TENM2: variants seen among roughly 807,000 people sequenced by gnomAD.
TENM2 encodes the protein teneurin transmembrane protein 2, also known as teneurin-2.
Under a neutral mutation model 245.2 loss-of-function variants are expected in TENM2, and 52 were observed. That is an observed-to-expected ratio of 0.21 (90% confidence interval 0.17 to 0.27). TENM2 has a LOEUF of 0.27. Among genes scored for constraint, TENM2 ranks in the 10% least tolerant of loss-of-function variants. The pLI, the probability that TENM2 is intolerant of heterozygous loss-of-function variation, is 1.00. For missense variants in TENM2, 3,046 were observed against 3,666.8 expected, an observed-to-expected ratio of 0.83 and a Z score of 4.37; for synonymous variants, 1,363 against 1,438.9, an observed-to-expected ratio of 0.95 and a Z score of 1.19.
intron 3 of TENM2, among the ~76,000 whole-genome samples, chr5:167,887,502 T>C (rs1166358448): frequency 1.3e-5 from 2 of 152,212 alleles, no homozygotes; most frequent in Non-Finnish European, 2.9e-5. Context: ...ATTGTGGATG[T>C]GATCACATTT....
At chr5:167,434,118 A>G (rs185903985) in intron 2 of TENM2, among the ~76,000 whole-genome samples, 1 of 152,270 alleles carries the variant, frequency 6.6e-6, no homozygotes, top group Admixed American at 6.5e-5. Context: ...TTGGAATCAT[A>G]TTAATTCATT....
At chr5:167,732,943 G>A (rs952503553) in intron 2 of TENM2, among the ~76,000 whole-genome samples, 44 of 152,190 alleles carry the variant, frequency 2.9e-4, no homozygotes, top group African/African-American at 9.4e-4. Flanking sequence ...AAGTAGTGAC[G>A]TGGATGGTGC....
intron 2 of TENM2, among the ~76,000 whole-genome samples, chr5:167,553,797 T>A (rs1773101889): frequency 6.6e-6 from 1 of 152,028 alleles, no homozygotes; most frequent in Non-Finnish European, 1.5e-5. Context: ...GGGTTGACAT[T>A]GATGGATGGA....
At chr5:168,016,240 A>G (rs1785641568) in intron 5 of TENM2, among the ~76,000 whole-genome samples, 1 of 152,216 alleles carries the variant, frequency 6.6e-6, no homozygotes, top group South Asian at 2.1e-4. Flanking sequence ...AGCTTGTCCA[A>G]GGTTGTACAG....
At chr5:167,579,266 T>A (rs1298077497) in intron 2 of TENM2, among the ~76,000 whole-genome samples, 1 of 152,170 alleles carries the variant, frequency 6.6e-6, no homozygotes, top group Non-Finnish European at 1.5e-5. Context: ...TGTAGCTGGA[T>A]TTTCTTTTCT....
At chr5:166,984,253 C>T in the TENM2 span, among the ~76,000 whole-genome samples, 1 of 151,884 alleles carries the variant, frequency 6.6e-6, no homozygotes, top group Non-Finnish European at 1.5e-5. Flanking sequence ...TTTAATTTAC[C>T]TAGTAGGAGA....
chr5:167,540,948 T>C (rs1238868823), intron 2 of TENM2, among the ~76,000 whole-genome samples: 2 of 152,200 alleles, frequency 1.3e-5, no homozygotes, highest in African/African-American at 4.8e-5. Context: ...AAAGTTAGGT[T>C]TCTTTATGAA....
At chr5:167,407,197 T>C (rs1283473144) in intron 2 of TENM2, among the ~76,000 whole-genome samples, 1 of 152,168 alleles carries the variant, frequency 6.6e-6, no homozygotes. Flanking sequence ...CTGTGGTTTG[T>C]AGAGCTATAG....
At chr5:167,675,659 TGC>T (rs1756267825) in intron 2 of TENM2, among the ~76,000 whole-genome samples, 1 of 151,900 alleles carries the variant, frequency 6.6e-6, no homozygotes, top group Non-Finnish European at 1.5e-5. Flanking sequence ...ATCCCAGCTC[TGC>T]TACTTAAAAT....
exon 11 of TENM2, chr5:168,124,920 C>G (rs774519052): frequency 5.0e-6 from 8 of 1,612,846 alleles, no homozygotes; most frequent in Middle Eastern, 1.6e-4. Context: ...GCAGCCCTGG[C>G]TGGGGTGGTC....
intron 2 of TENM2, among the ~76,000 whole-genome samples, chr5:167,554,482 C>T (rs1773139762): frequency 6.6e-6 from 1 of 152,152 alleles, no homozygotes; most frequent in Non-Finnish European, 1.5e-5. Flanking sequence ...GGGTTATAGT[C>T]CTGCTTTGAG....
intron 19 of TENM2, among the ~76,000 whole-genome samples, chr5:168,209,063 T>C (rs577107981): frequency 1.2e-4 from 19 of 152,354 alleles, no homozygotes; most frequent in Non-Finnish European, 2.4e-4. Flanking sequence ...TATTTTGTAA[T>C]TTCATTATCT....
rs367939838 is a variant in TENM2, at chr5:167,568,059, A to G, written c.502+192586A>G. 4.0e-4 allele frequency among the ~76,000 whole-genome samples: 61 copies of G among 152,166 alleles called. 1 individual carries two copies. The highest frequency in any genetic ancestry group is 1.7e-3 in the East Asian group (9 of 5,204). ...GAAGTAAGATATAAATCAAATAAAA[A>G]AGACCTAGTAATATTAGAAGAATAA... On this transcript the variant is annotated intron_variant, in intron 2 of 28. Coordinates refer to ENST00000518659, the Ensembl canonical transcript of TENM2.
chr5:167,572,543 G>T (rs1263065495), intron 2 of TENM2, among the ~76,000 whole-genome samples: 1 of 152,106 alleles, frequency 6.6e-6, no homozygotes, highest in Non-Finnish European at 1.5e-5. Context: ...TTTTAGCTCT[G>T]CTTACCATGA....
At chr5:167,461,117 G>A (rs1766265710) in intron 2 of TENM2, among the ~76,000 whole-genome samples, 1 of 151,866 alleles carries the variant, frequency 6.6e-6, no homozygotes, top group East Asian at 1.9e-4. Context: ...GGTTTTTTGA[G>A]GTTTTGTTTT....
intron 27 of TENM2, among the ~76,000 whole-genome samples, chr5:168,255,038 C>T (rs562087860): frequency 7.4e-4 from 111 of 149,604 alleles, no homozygotes; most frequent in African/African-American, 2.5e-3. Flanking sequence ...CAGAGCAAGA[C>T]GCTGTCTCAA....
intron 2 of TENM2, among the ~76,000 whole-genome samples, chr5:167,586,628 A>G (rs1278732409): frequency 1.3e-5 from 2 of 152,190 alleles, no homozygotes; most frequent in Admixed American, 6.5e-5. Context: ...AGGATAGTTT[A>G]TTATATTTAT....
chr5:167,253,236 A>G, the TENM2 span, among the ~76,000 whole-genome samples: 3 of 148,182 alleles, frequency 2.0e-5, no homozygotes, highest in South Asian at 6.5e-4. Context: ...GATCACAAGC[A>G]TGAGCCAACA....
chr5:167,265,525 T>G, the TENM2 span, among the ~76,000 whole-genome samples: 4 of 152,108 alleles, frequency 2.6e-5, no homozygotes, highest in South Asian at 2.1e-4. Flanking sequence ...TTAACTCAAG[T>G]TGGTTTAATT....
Sources: allele counts gnomAD v4.1 joint callset (sites outside exome capture counted in the v4.1 genomes callset), GRCh38; gene constraint gnomAD v4.1.1; transcripts MANE v1.5; gene names NCBI Gene and HGNC (gene_info 2026-07-23, HGNC 2026-07-21).